PLS1: variants seen among roughly 807,000 people sequenced by gnomAD.
The protein encoded by PLS1 is plastin 1.
In PLS1, 32 loss-of-function variants were observed where a neutral mutation model predicts 73.7. That is an observed-to-expected ratio of 0.43 (90% confidence interval 0.33 to 0.58). The LOEUF (loss-of-function observed/expected upper bound fraction) is 0.58, where lower values mean the gene tolerates loss of function less well. PLS1 is among the 20% of genes least tolerant of loss of function. The pLI is 0.04. For missense variants in PLS1, 633 were observed against 740.5 expected (o/e 0.85, Z 1.68); for synonymous variants, 217 against 261.3 (o/e 0.83, Z 1.63).
At chr3:142,687,948 TTTG>T (rs1388451426) in intron 9 of PLS1, among the ~76,000 whole-genome samples, 9 of 143,476 alleles carry the variant, frequency 6.3e-5, no homozygotes, top group Non-Finnish European at 1.4e-4. Context: ...TCTTTATTTG[TTTG>T]TTTTTTTTTT....
intron 12 of PLS1, among the ~76,000 whole-genome samples, chr3:142,699,216 T>C (rs1258770804): frequency 2.6e-5 from 4 of 151,966 alleles, no homozygotes; most frequent in Admixed American, 1.3e-4. Context: ...TCCCAGCATT[T>C]TGGGAGGCTA....
chr3:142,711,704 T>A, intron 15 of PLS1, 79 bp downstream of exon 15: 1 of 1,346,410 alleles, frequency 7.4e-7, no homozygotes. Context: ...ACTATGCCCT[T>A]AAAATTCATA....
At chr3:142,599,284 G>C (rs1241479808) in intron 1 of PLS1, among the ~76,000 whole-genome samples, 1 of 150,124 alleles carries the variant, frequency 6.7e-6, no homozygotes, top group Non-Finnish European at 1.5e-5. Context: ...GCTTTATCCA[G>C]ACTATCCCCT....
At chr3:142,611,192 CTG>C (rs754394903) in intron 1 of PLS1, among the ~76,000 whole-genome samples, 4 of 152,182 alleles carry the variant, frequency 2.6e-5, no homozygotes, top group Admixed American at 6.5e-5. Context: ...AATGTAAAAA[CTG>C]TTTTTAGTTC....
intron 14 of PLS1, among the ~76,000 whole-genome samples, chr3:142,709,898 A>C (rs1933041366): frequency 6.6e-6 from 1 of 152,068 alleles, no homozygotes. Flanking sequence ...ACATGGCTTC[A>C]GATTGTTTTA....
chr3:142,639,284 G>A lies in PLS1; in HGVS notation c.-36-24918G>A, dbSNP rs142317822. On this transcript the variant is annotated intron_variant, in intron 1 of 15. Transcript: ENST00000457734. ...CTGAGACTTTGTGTAGTCCCTGGGT[G>A]TGGTTGTCCCTCCCTGCTGACATCT... 3.9e-5 allele frequency among the ~76,000 whole-genome samples: 6 copies of A among 152,248 alleles called. No homozygotes were observed. The East Asian group carries it at 1.2e-3, about 29-fold the overall frequency.
chr3:142,710,612 A>G (rs1933077355), intron 14 of PLS1, among the ~76,000 whole-genome samples: 1 of 152,154 alleles, frequency 6.6e-6, no homozygotes. Context: ...GCTTTCCTTG[A>G]AGCTGATGTC....
At chr3:142,602,402 C>T (rs1011240789) in intron 1 of PLS1, among the ~76,000 whole-genome samples, 1 of 152,068 alleles carries the variant, frequency 6.6e-6, no homozygotes, top group South Asian at 2.1e-4. Flanking sequence ...CTGCTGGAAG[C>T]TCCTGGAATA....
chr3:142,606,794 C>T (rs941479556), intron 1 of PLS1, among the ~76,000 whole-genome samples: 1 of 152,148 alleles, frequency 6.6e-6, no homozygotes, highest in African/African-American at 2.4e-5. Flanking sequence ...CATAGGTGTG[C>T]ATAATATGCC....
intron 1 of PLS1, chr3:142,597,430 T>TGTTA (rs1333971947): frequency 2.6e-5 from 4 of 151,796 alleles, no homozygotes; most frequent in African/African-American, 7.3e-5. Context: ...TATAGTAAAG[T>TGTTA]GTTAATGTGT....
intron 1 of PLS1, among the ~76,000 whole-genome samples, chr3:142,637,655 G>A (rs757711286): frequency 6.6e-6 from 1 of 152,034 alleles, no homozygotes; most frequent in Non-Finnish European, 1.5e-5. Context: ...TGTAAATTAT[G>A]TTTTAAGAAA....
intron 6 of PLS1, among the ~76,000 whole-genome samples, chr3:142,679,586 ATAT>A (rs2037803036): frequency 6.6e-6 from 1 of 152,106 alleles, no homozygotes; most frequent in Non-Finnish European, 1.5e-5. Context: ...ATAGTTGTAG[ATAT>A]GCGGCGTTAT....
At chr3:142,619,764 G>T (rs1293454892) in intron 1 of PLS1, 1 of 152,174 alleles carries the variant, frequency 6.6e-6, no homozygotes, top group Non-Finnish European at 1.5e-5. Flanking sequence ...CTAAACAAAA[G>T]AACATTGCTA....
At chr3:142,683,281 G>A (rs1423295235) in intron 6 of PLS1, among the ~76,000 whole-genome samples, 3 of 152,222 alleles carry the variant, frequency 2.0e-5, no homozygotes, top group African/African-American at 7.2e-5. Flanking sequence ...GAGGCGGGCA[G>A]ATTACGAGGT....
chr3:142,668,278 A>G (rs1201212339), intron 2 of PLS1, among the ~76,000 whole-genome samples: 1 of 152,180 alleles, frequency 6.6e-6, no homozygotes, highest in Non-Finnish European at 1.5e-5. Flanking sequence ...TGATGCCATG[A>G]CATGAAAACA....
rs775092288 is a variant in PLS1 at position 142,698,031 on chromosome 3, ACCT to A, written c.1339_1341del (p.Pro447del). 1.1e-5 allele frequency: 17 copies of A among 1,610,660 alleles called. No homozygotes were observed. The highest frequency in any genetic ancestry group is 1.6e-4 in the Middle Eastern group (1 of 6,084). On this transcript the variant is annotated inframe_deletion, in exon 12 of 16. Coordinates refer to ENST00000457734, the MANE Select transcript of PLS1 (RefSeq NM_001145319.2). ...CAGTCAACTGGAGCCATGTCAACAA[ACCT>A]CCTTATCCTGCCCTTGGAGGGAACA...
intron 1 of PLS1, among the ~76,000 whole-genome samples, chr3:142,599,548 C>G (rs1293777927): frequency 6.6e-6 from 1 of 151,650 alleles, no homozygotes; most frequent in Non-Finnish European, 1.5e-5. Context: ...CCAGGATGGT[C>G]TCGATCTCCT....
intron 1 of PLS1, among the ~76,000 whole-genome samples, chr3:142,635,314 TAGC>T (rs1480731372): frequency 6.6e-6 from 1 of 150,658 alleles, no homozygotes; most frequent in Non-Finnish European, 1.5e-5. Flanking sequence ...AGAAAACAAA[TAGC>T]AGGAGAAAAA....
At chr3:142,603,181 C>T (rs1339563511) in intron 1 of PLS1, among the ~76,000 whole-genome samples, 1 of 152,200 alleles carries the variant, frequency 6.6e-6, no homozygotes, top group Non-Finnish European at 1.5e-5. Context: ...CAACTTTGAT[C>T]ATCTGATTTC....
Sources: gnomAD v4.1 joint callset for allele counts (sites outside exome capture counted in the v4.1 genomes callset) on GRCh38, gnomAD v4.1.1 for gene constraint, MANE v1.5 for transcripts, NCBI Gene and HGNC (gene_info 2026-07-23, HGNC 2026-07-21) for gene names.